The following CCDC149 variants were observed in gnomAD, a reference collection of about 807,000 sequenced individuals.
CCDC149 encodes coiled-coil domain-containing protein 149.
A neutral mutation model predicts 59.9 loss-of-function variants in CCDC149; 45 were observed. The observed-to-expected ratio is 0.75, with a 90% confidence interval of 0.59 to 0.96. The LOEUF is 0.96. CCDC149 is among the 40% of genes least tolerant of loss of function. CCDC149 has a pLI of 0.00. For synonymous variants in CCDC149, 245 were observed against 260.6 expected (o/e 0.94, Z 0.58); for missense variants, 584 against 664.7 (o/e 0.88, Z 1.33).
intron 1 of CCDC149, among the ~76,000 whole-genome samples, chr4:24,945,427 A>C (rs923108575): frequency 3.3e-5 from 5 of 152,114 alleles, no homozygotes; most frequent in Non-Finnish European, 7.4e-5. Context: ...TGCATCTCTA[A>C]GCTAAGGAAA....
Position 24,912,868 on chromosome 4 carries a change from C to G in CCDC149, c.12G>C (p.Glu4Asp). ...TCTCAGTCCGGTCGCCGTTCATGGC[C>G]TCCTCCTCCATGCGCTGGCCGGCCT... is the stretch of plus-strand genomic sequence containing the variant. Residue 4 changes from glutamate to aspartate, a missense_variant, in exon 1 of 13, where the codon GAG becomes GAC. Physicochemically the swap from Glu to Asp is conservative, Grantham distance 45. Transcript: ENST00000635206. 2 of 1,373,412 alleles carry G rather than the reference C, an allele frequency of 1.5e-6. No homozygotes were observed. The highest frequency in any genetic ancestry group is 9.5e-7 in the Non-Finnish European group (1 of 1,048,532). 85.1% of individuals were successfully genotyped at this position (1,373,412 alleles called of 1,614,324 possible). A position where few individuals can be genotyped will look rare whatever the true frequency, so the allele number is the denominator to read the frequency against.
At position 24,831,565 on chromosome 4, in the gene CCDC149, G is replaced by C. The variant is rs776173518; in HGVS notation, c.906C>G (p.Ala302=). The C allele has an allele frequency of 6.2e-7, 1 of 1,614,026 alleles. No homozygotes were observed. The highest frequency in any genetic ancestry group is 1.1e-5 in the South Asian group (1 of 91,060). The change falls in exon 9 of 13, where the codon GCC becomes GCG. Residue 302 remains alanine, a synonymous_variant. Coordinates refer to ENST00000635206, the MANE Select transcript of CCDC149 (RefSeq NM_001330643.2). ...TTTTCTCGTGGATTGTTTCCAACAG[G>C]GCTGTTGCCAGAGATTTCAGGTCAG...
At chr4:24,922,223 C>T (rs1473723282) in intron 1 of CCDC149, among the ~76,000 whole-genome samples, 2 of 152,190 alleles carry the variant, frequency 1.3e-5, no homozygotes, top group African/African-American at 4.8e-5. Context: ...AGGGCACAAT[C>T]CAGCCCTTAC....
rs5856868 is a variant in CCDC149, at chr4:24,874,244, GTTT to G, written c.226-528_226-526del. ...GAGAACTTCTAGTCCTATTAGATTT[GTTT>G]TTTTTTTTTTTTGTTTTGTTTTTTT... On this transcript the variant is annotated intron_variant, in intron 2 of 12. Transcript: ENST00000635206. 8.0e-5 allele frequency among the ~76,000 whole-genome samples: 7 copies of G among 87,484 alleles called. 1 individual carries two copies. The highest frequency in any genetic ancestry group is 4.0e-4 in the South Asian group (1 of 2,504). 57.4% of individuals were successfully genotyped at this position (87,484 alleles called of 152,430 possible).
intron 1 of CCDC149, among the ~76,000 whole-genome samples, chr4:24,887,493 C>T (rs542893934): frequency 3.9e-5 from 6 of 152,152 alleles, no homozygotes; most frequent in Non-Finnish European, 8.8e-5. Context: ...CAGACTCATT[C>T]TTTCTGTAGA....
chr4:24,813,143 G>A (rs6848776), intron 12 of CCDC149, among the ~76,000 whole-genome samples: 69 of 152,216 alleles, frequency 4.5e-4, no homozygotes, highest in African/African-American at 1.6e-3. Flanking sequence ...CTTATATGAA[G>A]AGGAAGGGAC....
intron 1 of CCDC149, among the ~76,000 whole-genome samples, chr4:24,919,357 A>G (rs1446403583): frequency 1.3e-5 from 2 of 152,138 alleles, no homozygotes; most frequent in East Asian, 3.9e-4. Context: ...ACAGAATTGG[A>G]CTCTAGCTGT....
At chr4:24,905,188 C>T (rs890927107) in intron 1 of CCDC149, among the ~76,000 whole-genome samples, 6 of 151,732 alleles carry the variant, frequency 4.0e-5, no homozygotes, top group Admixed American at 1.3e-4. Flanking sequence ...AGTGAGCCAC[C>T]GCACCCGGCC....
intron 1 of CCDC149, among the ~76,000 whole-genome samples, chr4:24,882,684 C>T (rs1719918454): frequency 6.6e-6 from 1 of 152,084 alleles, no homozygotes; most frequent in Admixed American, 6.5e-5. Context: ...TGTGTTTGAT[C>T]CCTGGCTGCT....
At chr4:24,858,439 A>T (rs1718167358) in intron 3 of CCDC149, among the ~76,000 whole-genome samples, 1 of 152,232 alleles carries the variant, frequency 6.6e-6, no homozygotes, top group Non-Finnish European at 1.5e-5. Flanking sequence ...GCCAACATTA[A>T]AGGTTGACAT....
intron 1 of CCDC149, among the ~76,000 whole-genome samples, chr4:24,941,888 A>C (rs1357220439): frequency 6.6e-6 from 1 of 152,216 alleles, no homozygotes; most frequent in Non-Finnish European, 1.5e-5. Context: ...AGGCTCTGAA[A>C]TTGAGGCAAT....
chr4:24,887,796 C>T (rs1720277564), intron 1 of CCDC149, among the ~76,000 whole-genome samples: 1 of 141,508 alleles, frequency 7.1e-6, no homozygotes, highest in Non-Finnish European at 1.5e-5. Flanking sequence ...TTAGGGCTTG[C>T]CACTCTTCTT....
chr4:24,922,479 G>T (rs1722322485), intron 1 of CCDC149, among the ~76,000 whole-genome samples: 1 of 152,106 alleles, frequency 6.6e-6, no homozygotes, highest in South Asian at 2.1e-4. Context: ...AGATCATTTT[G>T]ATACCTAGTT....
At chr4:24,911,459 G>A (rs1481993731) in intron 1 of CCDC149, among the ~76,000 whole-genome samples, 1 of 152,170 alleles carries the variant, frequency 6.6e-6, no homozygotes, top group East Asian at 1.9e-4. Context: ...GAGTAGTGAA[G>A]ATTCTGCTGC....
Position 24,822,498 on chromosome 4 carries a change from T to G in CCDC149, c.1041A>C (p.Pro347=). ...TTGTTTTCATGAGGTTCTGTTTACC[T>G]GGAAGACTCCACAAACCAGAAACTT... Residue 347 remains proline (P), a splice_region_variant and synonymous_variant, in exon 10 of 13, where the codon CCA becomes CCC. Transcript: ENST00000635206. The G allele has an allele frequency of 1.3e-6, 2 of 1,519,998 alleles. No individual in the cohort carries two copies. Among genetic ancestry groups the G allele is most frequent in the Non-Finnish European group, 1.8e-6 (2 of 1,133,362 alleles). 94.2% of individuals were successfully genotyped at this position (1,519,998 alleles called of 1,614,324 possible).
intron 12 of CCDC149, among the ~76,000 whole-genome samples, chr4:24,814,921 C>G (rs1236937243): frequency 1.3e-5 from 2 of 152,234 alleles, no homozygotes; most frequent in Non-Finnish European, 2.9e-5. Flanking sequence ...GACTATCATT[C>G]TCTCTTGTAT....
chr4:24,945,150 G>C (rs1326399714), intron 1 of CCDC149, among the ~76,000 whole-genome samples: 1 of 152,154 alleles, frequency 6.6e-6, no homozygotes, highest in Non-Finnish European at 1.5e-5. Flanking sequence ...GGTCTAGGGT[G>C]GGGGCTGAGA....
At position 24,876,580 on chromosome 4, in the gene CCDC149, G is replaced by A. The variant is rs760088417; in HGVS notation, c.181C>T (p.Arg61Trp). ...TTCTTCAGTGACTGGTGGCGCTCCCGGAGCTGATTGGCCATGAGTTTGTAC... is the reference window on the plus strand; with the variant it reads ...TTCTTCAGTGACTGGTGGCGCTCCCAGAGCTGATTGGCCATGAGTTTGTAC... Residue 61 changes from arginine to tryptophan, a missense_variant, in exon 2 of 13, where the codon CGG (arginine) becomes TGG (tryptophan). Arg to Trp is a moderately radical substitution (Grantham distance 101). Coordinates refer to ENST00000635206, the MANE Select transcript of CCDC149 (RefSeq NM_001330643.2). 15 of 1,613,954 alleles carry A rather than the reference G, an allele frequency of 9.3e-6. No individual in the cohort carries two copies. The highest frequency in any genetic ancestry group is 4.4e-5 in the South Asian group (4 of 91,064).
intron 9 of CCDC149, among the ~76,000 whole-genome samples, chr4:24,823,627 T>G (rs974799750): frequency 6.6e-6 from 1 of 152,222 alleles, no homozygotes; most frequent in Non-Finnish European, 1.5e-5. Flanking sequence ...ATTCCAGAGA[T>G]AGCTACACAC....
Sources: allele counts gnomAD v4.1 joint callset (sites outside exome capture counted in the v4.1 genomes callset), GRCh38; gene constraint gnomAD v4.1.1; transcripts MANE v1.5; gene names NCBI Gene and HGNC (gene_info 2026-07-23, HGNC 2026-07-21).